The following CDK6 variants were observed in gnomAD, a reference collection of about 807,000 sequenced individuals.
The protein encoded by CDK6 is cyclin-dependent kinase 6.
A neutral mutation model predicts 37.1 loss-of-function variants in CDK6; 6 were observed. The ratio of observed to expected loss-of-function variants is 0.16; its 90% CI spans 0.09 to 0.32. CDK6 has a LOEUF of 0.32. CDK6 is among the 10% of genes least tolerant of loss of function. CDK6 has a pLI of 1.00. For missense variants in CDK6, 224 were observed against 418.9 expected (o/e 0.53, Z 4.06); for synonymous variants, 160 against 161.3 (o/e 0.99, Z 0.06).
chr7:92,790,987 C>G (rs1235862115), intron 2 of CDK6, among the ~76,000 whole-genome samples: 1 of 152,048 alleles, frequency 6.6e-6, no homozygotes, highest in African/African-American at 2.4e-5. Flanking sequence ...TCAAAGAGCC[C>G]AATCTGATGA....
At chr7:92,718,865 C>T (rs1469220940) in intron 4 of CDK6, among the ~76,000 whole-genome samples, 1 of 152,242 alleles carries the variant, frequency 6.6e-6, no homozygotes, top group East Asian at 1.9e-4. Context: ...ATCTATCTCT[C>T]CATCTCGCTT....
intron 2 of CDK6, among the ~76,000 whole-genome samples, chr7:92,812,068 G>A (rs577048944): frequency 3.5e-4 from 54 of 152,288 alleles, no homozygotes; most frequent in Non-Finnish European, 6.5e-4. Flanking sequence ...GAACTTGGGA[G>A]GTGGAGATTG....
In CDK6 at chr7:92,608,396, A is replaced by G. The variant is rs1795479526; in HGVS notation, c.*6744T>C. On this transcript the variant is annotated 3_prime_UTR_variant, in exon 8 of 8. Transcript: ENST00000424848. ...AGAGAGAAAAGAAACTGGAAGCTAA[A>G]GAATTGAGAGCTTTTGCCAACTGAA... is the stretch of plus-strand genomic sequence containing the variant. 8.6e-6 allele frequency: 2 copies of G among 231,528 alleles called. No homozygotes were observed. 14.3% of individuals were successfully genotyped at this position (231,528 alleles called of 1,614,324 possible).
chr7:92,663,375 T>C (rs895533179), intron 5 of CDK6, among the ~76,000 whole-genome samples: 20 of 152,090 alleles, frequency 1.3e-4, no homozygotes, highest in Admixed American at 1.0e-3. Flanking sequence ...AAAACAAATA[T>C]ATTTTTCAAA....
At chr7:92,702,435 G>A (rs983836716) in intron 4 of CDK6, among the ~76,000 whole-genome samples, 2 of 151,820 alleles carry the variant, frequency 1.3e-5, no homozygotes, top group South Asian at 4.2e-4. Flanking sequence ...ATTTCGCCAT[G>A]TTGGCCAGGC....
At chr7:92,776,873 T>C (rs1010584748) in intron 2 of CDK6, among the ~76,000 whole-genome samples, 7 of 152,196 alleles carry the variant, frequency 4.6e-5, no homozygotes, top group Non-Finnish European at 8.8e-5. Context: ...CGTTCACTGA[T>C]GATAGTTTCT....
intron 3 of CDK6, among the ~76,000 whole-genome samples, chr7:92,744,466 T>A (rs1199668985): frequency 6.6e-6 from 1 of 152,170 alleles, no homozygotes; most frequent in Non-Finnish European, 1.5e-5. Context: ...CACATGGGAA[T>A]TATAGGAGCT....
chr7:92,724,743 T>G (rs1562947690), intron 4 of CDK6, among the ~76,000 whole-genome samples: 1 of 152,184 alleles, frequency 6.6e-6, no homozygotes. Context: ...TTTATTTCTT[T>G]GAATATACAA....
At chr7:92,815,029 G>A (rs576587436) in intron 2 of CDK6, among the ~76,000 whole-genome samples, 10 of 152,120 alleles carry the variant, frequency 6.6e-5, no homozygotes, top group Non-Finnish European at 8.8e-5. Context: ...TGAGGGCACC[G>A]TGGAGGAAGC....
intron 5 of CDK6, among the ~76,000 whole-genome samples, chr7:92,666,531 G>C (rs1585382303): frequency 6.6e-6 from 1 of 152,258 alleles, no homozygotes; most frequent in East Asian, 1.9e-4. Flanking sequence ...ATGTGTATCA[G>C]ACAAATAAAT....
intron 2 of CDK6, among the ~76,000 whole-genome samples, 191 bp from the exon 3 acceptor site, chr7:92,775,022 G>A (rs1351159501): frequency 6.6e-6 from 1 of 152,178 alleles, no homozygotes; most frequent in Non-Finnish European, 1.5e-5. Context: ...CAGGAGAGGG[G>A]CACTCAGAGT....
chr7:92,644,953 C>T (rs3731338), intron 5 of CDK6, among the ~76,000 whole-genome samples: 125 of 152,304 alleles, frequency 8.2e-4, no homozygotes, highest in African/African-American at 2.9e-3. Flanking sequence ...AAGAGGCAAG[C>T]AGCCAGGCAG....
intron 3 of CDK6, among the ~76,000 whole-genome samples, chr7:92,763,854 A>G (rs2115735606): frequency 6.6e-6 from 1 of 152,298 alleles, no homozygotes; most frequent in Non-Finnish European, 1.5e-5. Context: ...TGGTGTCACC[A>G]GAGGGTACTT....
chr7:92,639,811 A>C (rs184081443), intron 5 of CDK6, among the ~76,000 whole-genome samples: 157 of 152,344 alleles, frequency 1.0e-3, no homozygotes, highest in Non-Finnish European at 1.8e-3. Context: ...TTACTTTAAC[A>C]GTCATTTCCA....
chr7:92,767,072 C>A (rs185864210), intron 3 of CDK6, among the ~76,000 whole-genome samples: 23 of 152,204 alleles, frequency 1.5e-4, no homozygotes, highest in Admixed American at 1.4e-3. Context: ...CAACCTAAGT[C>A]CCAAGATTCT....
At chr7:92,649,402 T>C (rs1204823444) in intron 5 of CDK6, among the ~76,000 whole-genome samples, 4 of 152,210 alleles carry the variant, frequency 2.6e-5, no homozygotes, top group Admixed American at 2.6e-4. Flanking sequence ...AACAGGTGAC[T>C]GGATGTCCTG....
At chr7:92,702,220 CTTTTTTTT>C (rs3066453) in intron 4 of CDK6, among the ~76,000 whole-genome samples, 5 of 44,956 alleles carry the variant, frequency 1.1e-4, no homozygotes, top group South Asian at 1.0e-3. Flanking sequence ...CAAGTATATT[CTTTTTTTT>C]TTTTTTTTTT....
chr7:92,659,779 T>C (rs188015384), intron 5 of CDK6, among the ~76,000 whole-genome samples: 43 of 152,250 alleles, frequency 2.8e-4, no homozygotes, highest in African/African-American at 4.1e-4. Context: ...ATATTAGACA[T>C]AGTAAGAGTT....
intron 4 of CDK6, chr7:92,710,698 T>C: frequency 1.0e-6 from 1 of 985,380 alleles, no homozygotes; most frequent in Non-Finnish European, 1.2e-6. Flanking sequence ...AAAGCAGAAT[T>C]GCCTAGGAAA....
Sources: allele counts gnomAD v4.1 joint callset (sites outside exome capture counted in the v4.1 genomes callset), GRCh38; gene constraint gnomAD v4.1.1; transcripts MANE v1.5; gene names NCBI Gene and HGNC (gene_info 2026-07-23, HGNC 2026-07-21).